Variants in RB1 observed in about 807,000 individuals in gnomAD.
The protein encoded by RB1 is RB transcriptional corepressor 1, also known as retinoblastoma-associated protein.
Under a neutral mutation model 135.4 loss-of-function variants are expected in RB1, and 18 were observed. The observed-to-expected ratio is 0.13, with a 90% CI of 0.09 to 0.20. The LOEUF is 0.20. Among genes scored for constraint, RB1 ranks in the 10% least tolerant of loss-of-function variants. The pLI is 1.00. For missense variants in RB1, 868 were observed against 1,110.0 expected, an observed-to-expected ratio of 0.78 and a Z score of 3.10; for synonymous variants, 365 against 373.2, an observed-to-expected ratio of 0.98 and a Z score of 0.25.
chr13:48,362,903 T>G lies in RB1; in HGVS notation c.807T>G (p.Asn269Lys), dbSNP rs922948338. ...RSARIAKQLENDTRIIEVLCK... is the reference protein window; with the variant it reads ...RSARIAKQLEKDTRIIEVLCK... ...CACGGATAGCAAAACAACTAGAAAA[T>G]GATACAAGAATTATTGAAGTTCTCT... Residue 269 changes from asparagine (N) to lysine (K), a missense_variant, in exon 8 of 27, where the codon AAT (asparagine) becomes AAG (lysine). Physicochemically the swap from Asn to Lys is moderately conservative, Grantham distance 94 (BLOSUM62 0). Coordinates refer to ENST00000267163, the MANE Select transcript of RB1 (RefSeq NM_000321.3). 6.2e-7 allele frequency: 1 copy of G among 1,613,746 alleles called. No homozygotes were observed. The highest frequency in any genetic ancestry group is 2.2e-5 in the East Asian group (1 of 44,774).
At chr13:48,419,164 A>T (rs1272588002) in intron 17 of RB1, among the ~76,000 whole-genome samples, 1 of 152,230 alleles carries the variant, frequency 6.6e-6, no homozygotes, top group African/African-American at 2.4e-5. Context: ...CAAATGCAAA[A>T]CAATGGAAAT....
chr13:48,456,659 A>G lies in RB1; in HGVS notation c.1960+310A>G, dbSNP rs143722817. On this transcript the variant is annotated intron_variant, in intron 19 of 26. Coordinates refer to ENST00000267163, the MANE Select transcript of RB1 (RefSeq NM_000321.3). ...CGGCTCACACTACCGGCCTGGGTCC[A>G]TGCCAGCCAGGAGCAAGTCAGACAT... Among the ~76,000 whole-genome samples, 848 of 152,286 alleles carry G rather than the reference A, an allele frequency of 5.6e-3. 5 individuals are homozygous for G. The highest frequency in any genetic ancestry group is 0.01 in the Middle Eastern group (3 of 294).
At chr13:48,458,130 C>T (rs1019045286) in intron 19 of RB1, among the ~76,000 whole-genome samples, 4 of 152,214 alleles carry the variant, frequency 2.6e-5, no homozygotes, top group African/African-American at 9.7e-5. Flanking sequence ...CCGGCTCCTC[C>T]GGGCTTCCTG....
At chr13:48,393,609 G>T (rs1948626833) in intron 17 of RB1, among the ~76,000 whole-genome samples, 1 of 152,192 alleles carries the variant, frequency 6.6e-6, no homozygotes, top group African/African-American at 2.4e-5. Flanking sequence ...GATTGATGAA[G>T]TATTTACAAA....
At chr13:48,313,184 A>G (rs1460205571) in intron 2 of RB1, among the ~76,000 whole-genome samples, 1 of 151,734 alleles carries the variant, frequency 6.6e-6, no homozygotes, top group Admixed American at 6.6e-5. Flanking sequence ...TTTTTGGAAT[A>G]CCCTTCTTTT....
intron 2 of RB1, among the ~76,000 whole-genome samples, chr13:48,315,921 C>G (rs77247976): frequency 8.5e-5 from 13 of 152,336 alleles, no homozygotes; most frequent in African/African-American, 2.9e-4. Context: ...GAAATCCTCA[C>G]ACTGTTTTCC....
intron 21 of RB1, 105 bp downstream of exon 21, chr13:48,463,940 G>T: frequency 2.9e-6 from 2 of 694,508 alleles, no homozygotes; most frequent in Non-Finnish European, 2.5e-6. Flanking sequence ...CATATATTCT[G>T]TCTGACCTTA....
intron 17 of RB1, among the ~76,000 whole-genome samples, chr13:48,389,414 G>A (rs1948595235): frequency 6.6e-6 from 1 of 152,042 alleles, no homozygotes; most frequent in Non-Finnish European, 1.5e-5. Flanking sequence ...AGTTTTGCCT[G>A]TGAAGAGAAA....
At chr13:48,322,897 T>C (rs1952253323) in intron 2 of RB1, among the ~76,000 whole-genome samples, 1 of 151,946 alleles carries the variant, frequency 6.6e-6, no homozygotes, top group Non-Finnish European at 1.5e-5. Context: ...CCTTTTGATA[T>C]GTTGCTAGAT....
chr13:48,443,389 G>A (rs1232214848), intron 17 of RB1, among the ~76,000 whole-genome samples: 2 of 151,902 alleles, frequency 1.3e-5, no homozygotes, highest in Non-Finnish European at 2.9e-5. Context: ...GTTTAAAAGA[G>A]TTTTAGTTTT....
chr13:48,310,969 G>C (rs1163400090), intron 2 of RB1, among the ~76,000 whole-genome samples: 1 of 152,100 alleles, frequency 6.6e-6, no homozygotes, highest in Non-Finnish European at 1.5e-5. Context: ...ATTGGCTAAG[G>C]TGATGTTCAT....
chr13:48,372,414 T>C (rs967949308), intron 11 of RB1, among the ~76,000 whole-genome samples: 1 of 152,138 alleles, frequency 6.6e-6, no homozygotes, highest in Non-Finnish European at 1.5e-5. Context: ...TAATCCCACT[T>C]TGGGAGGCCA....
At chr13:48,306,917 A>G (rs374464259) in intron 1 of RB1, among the ~76,000 whole-genome samples, 2 of 152,356 alleles carry the variant, frequency 1.3e-5, no homozygotes, top group South Asian at 2.1e-4. Flanking sequence ...GTTGAATTGT[A>G]TAATATTATC....
intron 2 of RB1, chr13:48,341,126 AC>A (rs1486665742): frequency 6.6e-6 from 1 of 151,984 alleles, no homozygotes; most frequent in Non-Finnish European, 1.5e-5. Flanking sequence ...CTACTTTTTG[AC>A]TTTAAAGATT....
At chr13:48,321,787 C>G (rs1050864602) in intron 2 of RB1, among the ~76,000 whole-genome samples, 1 of 152,046 alleles carries the variant, frequency 6.6e-6, no homozygotes, top group Non-Finnish European at 1.5e-5. Flanking sequence ...ACCCAGGAGG[C>G]GGAGGTTGCA....
At chr13:48,335,161 T>C (rs2138073636) in intron 2 of RB1, among the ~76,000 whole-genome samples, 2 of 152,258 alleles carry the variant, frequency 1.3e-5, no homozygotes, top group East Asian at 3.9e-4. Flanking sequence ...CTTTTTATTC[T>C]GTTTTTTTCT....
chr13:48,418,456 T>A (rs1047592146), intron 17 of RB1, among the ~76,000 whole-genome samples: 1 of 151,850 alleles, frequency 6.6e-6, no homozygotes, highest in Non-Finnish European at 1.5e-5. Flanking sequence ...ATTGACACTA[T>A]GAAGAAACTA....
In RB1 at chr13:48,349,005, A is replaced by G. The variant is rs1421476380; in HGVS notation, c.589A>G (p.Thr197Ala). 2 of 1,600,174 alleles carry G rather than the reference A, an allele frequency of 1.2e-6. No individual in the cohort carries two copies. Among genetic ancestry groups the G allele is most frequent in the East Asian group, 2.2e-5 (1 of 44,504 alleles). Residue 197 changes from threonine (T) to alanine (A), a missense_variant, in exon 6 of 27, where the codon ACA becomes GCA. By Grantham distance (58) the Thr-to-Ala change is moderately conservative. Around this residue, in one of 3 missense-constraint regions of RB1, gnomAD observed 641 missense variants for 791.3 expected, o/e 0.81. Coordinates refer to ENST00000267163, the MANE Select transcript of RB1 (RefSeq NM_000321.3). ...SALVLKVSWI[T>A]FLLAKGEVLQ... ...ATTGGTGCTAAAAGTTTCTTGGATC[A>G]CATTTTTATTAGCTAAAGGTAAGTT...
At chr13:48,309,017 C>G (rs1952109879) in intron 2 of RB1, among the ~76,000 whole-genome samples, 1 of 151,910 alleles carries the variant, frequency 6.6e-6, no homozygotes, top group African/African-American at 2.4e-5. Flanking sequence ...TTAACTCTTA[C>G]TGGATATTTG....
Sources: gnomAD v4.1 joint callset for allele counts (sites outside exome capture counted in the v4.1 genomes callset) on GRCh38, gnomAD v4.1.1 for gene constraint, gnomAD v4.1.1 regional missense constraint, MANE v1.5 for transcripts, NCBI Gene and HGNC (gene_info 2026-07-23, HGNC 2026-07-21) for gene names.